The following SCYL2 variants were observed in gnomAD, a reference collection of about 807,000 sequenced individuals.
SCYL2 encodes SCY1-like protein 2.
A neutral mutation model predicts 100.4 loss-of-function variants in SCYL2; 36 were observed. That is an observed-to-expected ratio of 0.36 (90% CI 0.27 to 0.47). SCYL2 has a LOEUF of 0.47. Among genes scored for constraint, SCYL2 ranks in the 20% least tolerant of loss-of-function variants. The probability of loss-of-function intolerance (pLI) is 1.00; values close to 1 mark genes in which losing one functional copy is unlikely to be tolerated. For synonymous variants in SCYL2, 330 were observed against 359.2 expected (o/e 0.92, Z 0.92); for missense variants, 902 against 1,083.9 (o/e 0.83, Z 2.36).
rs1382008298 is a variant in SCYL2, at chr12:100,311,079, G to T, written c.516G>T (p.Val172=). 3 of 1,602,364 alleles carry T rather than the reference G, an allele frequency of 1.9e-6. No homozygotes were observed. The Admixed American group carries it at 5.2e-5, about 28-fold the overall frequency. The change falls in exon 5 of 18, where the codon GTG becomes GTT. Residue 172 remains valine, a synonymous_variant. Transcript: ENST00000360820. ...GATTGTCATTCTTGCATAGCAGTGT[G>T]AAAATGGTGCATGGAAATATCACTC... ...SEGLSFLHSS[V]KMVHGNITPE... is the part of the protein sequence containing the mutation.
chr12:100,271,788 G>C (rs1195561739), intron 1 of SCYL2, among the ~76,000 whole-genome samples: 1 of 152,196 alleles, frequency 6.6e-6, no homozygotes, highest in Non-Finnish European at 1.5e-5. Flanking sequence ...GTAAGCTTGG[G>C]AAGCTGGGGA....
chr12:100,281,121 C>T (rs1019941619), intron 1 of SCYL2, among the ~76,000 whole-genome samples: 4 of 149,996 alleles, frequency 2.7e-5, no homozygotes, highest in East Asian at 2.0e-4. Flanking sequence ...CTCCCTCTCC[C>T]GGGCTCAAAC....
intron 4 of SCYL2, 50 bp downstream of exon 4, chr12:100,298,225 G>T: frequency 7.3e-7 from 1 of 1,367,870 alleles, no homozygotes; most frequent in Non-Finnish European, 9.8e-7. Context: ...CTTTAAAATT[G>T]GTTTTGGCAT....
At chr12:100,300,863 A>G (rs1455804852) in intron 4 of SCYL2, among the ~76,000 whole-genome samples, 1 of 152,170 alleles carries the variant, frequency 6.6e-6, no homozygotes, top group Non-Finnish European at 1.5e-5. Context: ...TCCATTATGT[A>G]TATGTACCAT....
At chr12:100,294,349 A>C (rs1592940053) in intron 3 of SCYL2, among the ~76,000 whole-genome samples, 3 of 54,532 alleles carry the variant, frequency 5.5e-5, no homozygotes, top group Admixed American at 1.8e-4. Flanking sequence ...GGCGCCCCTC[A>C]CCTCCCAGAC....
chr12:100,295,539 A>C (rs1041599399), intron 3 of SCYL2, among the ~76,000 whole-genome samples: 4 of 152,040 alleles, frequency 2.6e-5, no homozygotes, highest in Non-Finnish European at 4.4e-5. Flanking sequence ...CCACCAAAAA[A>C]AATACGAAAA....
chr12:100,291,634 T>G lies in SCYL2; in HGVS notation c.309T>G (p.Thr103=). The part of the protein sequence containing the change: ...LTRLRHPRLL[T]VQHPLEESRD... The stretch of plus-strand genomic sequence containing the variant: ...GGCTTCGACACCCTCGACTTCTTAC[T>G]GTCCAGCATCCTTTAGAAGAATCCA... The change falls in exon 3 of 18, where the codon ACT becomes ACG. Residue 103 remains threonine, a synonymous_variant. Coordinates refer to ENST00000360820, the MANE Select transcript of SCYL2 (RefSeq NM_017988.6). The G allele has an allele frequency of 6.3e-7, 1 of 1,593,402 alleles. No individual in the cohort carries two copies. The highest frequency in any genetic ancestry group is 8.5e-7 in the Non-Finnish European group (1 of 1,173,824).
At chr12:100,316,363 G>T (rs1312961033) in intron 9 of SCYL2, among the ~76,000 whole-genome samples, 1 of 152,216 alleles carries the variant, frequency 6.6e-6, no homozygotes, top group Non-Finnish European at 1.5e-5. Context: ...CTCCTTACTT[G>T]AAGTATGACT....
intron 2 of SCYL2, 131 bp downstream of exon 2, chr12:100,283,278 AT>A: frequency 1.5e-6 from 1 of 673,380 alleles, no homozygotes; most frequent in Non-Finnish European, 2.4e-6. Flanking sequence ...TTTAGTTCTC[AT>A]TTTATCTTAT....
chr12:100,319,340 T>C, intron 10 of SCYL2: 1 of 447,666 alleles, frequency 2.2e-6, no homozygotes. Context: ...AATTATAGCC[T>C]CACAAAACAT....
chr12:100,317,091 C>T (rs1304585752), intron 9 of SCYL2, among the ~76,000 whole-genome samples: 1 of 150,934 alleles, frequency 6.6e-6, no homozygotes, highest in Non-Finnish European at 1.5e-5. Context: ...GTGAGTGAGG[C>T]CCTGTCTCAA....
intron 1 of SCYL2, among the ~76,000 whole-genome samples, chr12:100,280,957 A>G (rs1342825761): frequency 6.6e-6 from 1 of 150,738 alleles, no homozygotes; most frequent in Non-Finnish European, 1.5e-5. Context: ...CCTATGTAAA[A>G]TTCTAAAAAT....
At chr12:100,273,896 G>A (rs1245348942) in intron 1 of SCYL2, among the ~76,000 whole-genome samples, 2 of 152,128 alleles carry the variant, frequency 1.3e-5, no homozygotes, top group South Asian at 2.1e-4. Context: ...CAAGATGCAC[G>A]GCATTTAATA....
rs1224870622 is a variant in SCYL2 at position 100,329,301 on chromosome 12, CAATCTT to C, written c.1754_1759del (p.Leu585_Asn586del). On this transcript the variant is annotated inframe_deletion, in exon 13 of 18. Transcript: ENST00000360820. ...ATCTTATTCCCCTGAGTATTGAAAA[CAATCTT>C]AATCTTAATCAGGTAGGAGTATTTT... 9.0e-6 allele frequency: 14 copies of C among 1,557,868 alleles called. No individual in the cohort carries two copies. Among genetic ancestry groups the C allele is most frequent in the East Asian group, 2.2e-5 (1 of 44,536 alleles).
intron 11 of SCYL2, among the ~76,000 whole-genome samples, chr12:100,325,092 G>T (rs2096360222): frequency 6.6e-6 from 1 of 152,052 alleles, no homozygotes; most frequent in East Asian, 1.9e-4. Context: ...AGCTGGATGT[G>T]GTGGCATGGT....
intron 4 of SCYL2, among the ~76,000 whole-genome samples, chr12:100,306,709 C>T (rs932523809): frequency 6.6e-6 from 1 of 152,188 alleles, no homozygotes; most frequent in Non-Finnish European, 1.5e-5. Flanking sequence ...GTCATATTGT[C>T]TCTGTTTGCA....
intron 4 of SCYL2, among the ~76,000 whole-genome samples, chr12:100,306,530 A>G (rs565610556): frequency 6.6e-6 from 1 of 152,338 alleles, no homozygotes; most frequent in East Asian, 1.9e-4. Flanking sequence ...ATTTATGACA[A>G]ACTCACAGCC....
intron 10 of SCYL2, among the ~76,000 whole-genome samples, chr12:100,321,094 T>G (rs2096355292): frequency 6.6e-6 from 1 of 152,152 alleles, no homozygotes; most frequent in Non-Finnish European, 1.5e-5. Flanking sequence ...TACACCACCA[T>G]GCCTGGCTCA....
At chr12:100,304,202 G>T (rs556012555) in intron 4 of SCYL2, among the ~76,000 whole-genome samples, 2 of 152,122 alleles carry the variant, frequency 1.3e-5, no homozygotes, top group African/African-American at 4.8e-5. Context: ...CTCCTTGGGG[G>T]TGGGATCTGC....
Sources: gnomAD v4.1 joint callset for allele counts (sites outside exome capture counted in the v4.1 genomes callset) on GRCh38, gnomAD v4.1.1 for gene constraint, MANE v1.5 for transcripts, NCBI Gene and HGNC (gene_info 2026-07-23, HGNC 2026-07-21) for gene names.